OPCML: variants seen among roughly 807,000 people sequenced by gnomAD.
OPCML encodes the protein opioid binding protein/cell adhesion molecule like, also known as opioid-binding protein/cell adhesion molecule.
OPCML carries 13 observed loss-of-function variants against 37.8 expected under a neutral mutation model. The observed-to-expected ratio is 0.34, with a 90% CI of 0.22 to 0.55. OPCML has a LOEUF of 0.55. Among genes scored for constraint, OPCML ranks in the 20% least tolerant of loss-of-function variants. The pLI is 0.91. For missense variants in OPCML, 341 were observed against 435.6 expected (o/e 0.78, Z 1.93); for synonymous variants, 176 against 168.8 (o/e 1.04, Z -0.33).
chr11:132,978,789 G>T (rs899956992), intron 1 of OPCML, among the ~76,000 whole-genome samples: 3 of 151,912 alleles, frequency 2.0e-5, no homozygotes, highest in Non-Finnish European at 4.4e-5. Flanking sequence ...ATAATGTGTA[G>T]ATTATACATG....
chr11:133,280,833 G>A (rs1199499323), intron 1 of OPCML, among the ~76,000 whole-genome samples: 2 of 152,188 alleles, frequency 1.3e-5, no homozygotes, highest in African/African-American at 4.8e-5. Context: ...AGGACTTCTT[G>A]TGGCTTGGGA....
intron 1 of OPCML, among the ~76,000 whole-genome samples, chr11:133,333,415 TG>T (rs1165601245): frequency 6.6e-6 from 1 of 151,690 alleles, no homozygotes; most frequent in African/African-American, 2.4e-5. Context: ...ATTCAGTAAA[TG>T]GTGCTAAGAT....
intron 3 of OPCML, among the ~76,000 whole-genome samples, chr11:132,646,421 T>G (rs1283740876): frequency 6.6e-6 from 1 of 152,206 alleles, no homozygotes; most frequent in Non-Finnish European, 1.5e-5. Flanking sequence ...GACTTCATTG[T>G]CAACAGGGAT....
intron 2 of OPCML, among the ~76,000 whole-genome samples, chr11:132,906,098 TC>T (rs947343743): frequency 9.9e-5 from 15 of 152,156 alleles, no homozygotes; most frequent in African/African-American, 3.4e-4. Flanking sequence ...TTCTTTCTTC[TC>T]TTTGCTGCCT....
chr11:133,093,267 CT>C (rs531991863), intron 1 of OPCML, among the ~76,000 whole-genome samples: 4 of 150,504 alleles, frequency 2.7e-5, no homozygotes, highest in East Asian at 2.0e-4. Flanking sequence ...ATGTATCGTT[CT>C]TTTTTTTCCA....
At chr11:132,778,621 A>G (rs1946886891) in intron 2 of OPCML, among the ~76,000 whole-genome samples, 1 of 152,086 alleles carries the variant, frequency 6.6e-6, no homozygotes, top group Non-Finnish European at 1.5e-5. Flanking sequence ...TCTTTTATTT[A>G]TTTGCCCATT....
chr11:132,521,375 A>C (rs961205172), intron 4 of OPCML, among the ~76,000 whole-genome samples: 1 of 152,086 alleles, frequency 6.6e-6, no homozygotes, highest in Non-Finnish European at 1.5e-5. Context: ...GAAGCTCTTT[A>C]GTTTAATTAG....
At chr11:133,001,968 A>C (rs898666769) in intron 1 of OPCML, among the ~76,000 whole-genome samples, 1 of 152,228 alleles carries the variant, frequency 6.6e-6, no homozygotes, top group Non-Finnish European at 1.5e-5. Flanking sequence ...CTTTTAAGTG[A>C]CAAGTGGCTG....
At chr11:132,923,720 A>C (rs1188945620) in intron 2 of OPCML, among the ~76,000 whole-genome samples, 1 of 141,722 alleles carries the variant, frequency 7.1e-6, no homozygotes, top group East Asian at 1.9e-4. Flanking sequence ...AGACATTATT[A>C]ACATGCCCTG....
intron 2 of OPCML, among the ~76,000 whole-genome samples, chr11:132,797,535 G>A (rs1938398938): frequency 6.6e-6 from 1 of 152,124 alleles, no homozygotes; most frequent in Admixed American, 6.5e-5. Flanking sequence ...TATAAAGCGA[G>A]TCATATAAAC....
At chr11:132,549,853 C>T (rs570928935) in intron 3 of OPCML, among the ~76,000 whole-genome samples, 3 of 152,264 alleles carry the variant, frequency 2.0e-5, no homozygotes, top group East Asian at 3.9e-4. Flanking sequence ...AAATCAGAGC[C>T]CACCTCCTCA....
At chr11:132,455,096 G>A (rs1007773168) in intron 4 of OPCML, among the ~76,000 whole-genome samples, 1 of 152,140 alleles carries the variant, frequency 6.6e-6, no homozygotes, top group Non-Finnish European at 1.5e-5. Context: ...ATTCTTAAAC[G>A]ATCTTATCTA....
intron 1 of OPCML, among the ~76,000 whole-genome samples, chr11:133,272,526 C>G (rs2136484451): frequency 6.6e-6 from 1 of 152,266 alleles, no homozygotes; most frequent in South Asian, 2.1e-4. Flanking sequence ...CTGAGCAGGC[C>G]TGAACCCTGT....
intron 1 of OPCML, among the ~76,000 whole-genome samples, chr11:133,225,826 G>T (rs1940013483): frequency 6.6e-6 from 1 of 152,196 alleles, no homozygotes; most frequent in Non-Finnish European, 1.5e-5. Flanking sequence ...TTAGGAAAAG[G>T]ATGGATTAAT....
chr11:132,422,110 T>C (rs1268715368), intron 7 of OPCML, among the ~76,000 whole-genome samples: 1 of 152,208 alleles, frequency 6.6e-6, no homozygotes, highest in African/African-American at 2.4e-5. Flanking sequence ...TAGTTTTGTA[T>C]GTGTATATGT....
chr11:132,913,078 C>CA (rs1944482599), intron 2 of OPCML, among the ~76,000 whole-genome samples: 1 of 152,162 alleles, frequency 6.6e-6, no homozygotes, highest in Admixed American at 6.5e-5. Context: ...TACATATTAC[C>CA]ACAATCTCCT....
chr11:133,122,911 A>G (rs1192911689), intron 1 of OPCML, among the ~76,000 whole-genome samples: 1 of 152,218 alleles, frequency 6.6e-6, no homozygotes, highest in Non-Finnish European at 1.5e-5. Context: ...TGCTTTCAGC[A>G]TTATAAGGTA....
chr11:133,008,734 T>TA (rs1378784549), intron 1 of OPCML: 1 of 288,196 alleles, frequency 3.5e-6, no homozygotes, highest in African/African-American at 2.3e-5. Context: ...AGGCCTCTGA[T>TA]ATGACTGCAA....
intron 1 of OPCML, among the ~76,000 whole-genome samples, chr11:133,056,273 G>T (rs945699102): frequency 3.9e-5 from 6 of 152,190 alleles, no homozygotes; most frequent in Non-Finnish European, 7.3e-5. Flanking sequence ...ATAAACTACT[G>T]TGTGGCCCTA....
Sources: allele counts gnomAD v4.1 joint callset (sites outside exome capture counted in the v4.1 genomes callset), GRCh38; gene constraint gnomAD v4.1.1; transcripts MANE v1.5; gene names NCBI Gene and HGNC (gene_info 2026-07-23, HGNC 2026-07-21).